The following CCDC187 variants were observed in gnomAD, a reference collection of about 807,000 sequenced individuals.
CCDC187 encodes the protein coiled-coil domain-containing protein 187.
Under a neutral mutation model 38.0 loss-of-function variants are expected in CCDC187, and 32 were observed. The ratio of observed to expected loss-of-function variants is 0.84; its 90% confidence interval spans 0.64 to 1.13. The LOEUF is 1.13. Ranked by LOEUF, CCDC187 falls within the 50% of genes most tolerant of loss-of-function variation. The pLI, the probability that CCDC187 is intolerant of heterozygous loss-of-function variation, is 0.00. For missense variants in CCDC187, 707 were observed against 786.8 expected (o/e 0.90, Z 1.21); for synonymous variants, 333 against 347.9 (o/e 0.96, Z 0.48).
intron 16 of CCDC187, chr9:136,267,009 G>A (rs1237021536): frequency 6.5e-6 from 1 of 152,674 alleles, no homozygotes; most frequent in African/African-American, 2.4e-5. Flanking sequence ...TTGAACCTGG[G>A]AGGCGGAGGT....
chr9:136,259,699 G>C (rs1554760759), intron 20 of CCDC187, among the ~76,000 whole-genome samples: 1 of 152,188 alleles, frequency 6.6e-6, no homozygotes, highest in African/African-American at 2.4e-5. Context: ...GCGCAGGGCA[G>C]GCCCTGCCCA....
Position 136,254,068 on chromosome 9 carries a change from C to G in CCDC187, c.5760G>C (p.Pro1920=). 1 of 984,894 alleles carries G rather than the reference C, an allele frequency of 1.0e-6. No individual in the cohort carries two copies. Among genetic ancestry groups the G allele is most frequent in the Non-Finnish European group, 1.2e-6 (1 of 829,672 alleles). 61.0% of individuals were successfully genotyped at this position (984,894 alleles called of 1,614,324 possible). The stretch of plus-strand genomic sequence containing the variant: ...GGAGTTTGCTCTTGGTGGATGGGCT[C>G]GGGTCAGCATCCCGGGTTCCCTCCT... ...GYQEGTRDAD[P]SPSTKSKLPY... The change falls in exon 26 of 26, where the codon CCG becomes CCC. Residue 1920 remains proline (P), a synonymous_variant. Coordinates refer to ENST00000638797, the MANE Select transcript of CCDC187 (RefSeq NM_001378188.1).
chr9:136,295,538 A>G (rs1831514157), intron 4 of CCDC187, among the ~76,000 whole-genome samples: 1 of 152,260 alleles, frequency 6.6e-6, no homozygotes, highest in Non-Finnish European at 1.5e-5. Context: ...ATTAAATATC[A>G]GGCTTCATTT....
At chr9:136,299,362 C>T (rs1181615892) in intron 3 of CCDC187, among the ~76,000 whole-genome samples, 1 of 152,176 alleles carries the variant, frequency 6.6e-6, no homozygotes, top group African/African-American at 2.4e-5. Flanking sequence ...CGACCTGGAC[C>T]CACCCGGCCG....
Position 136,285,092 on chromosome 9 carries a change from G to T in CCDC187, c.2927+421C>A, listed in dbSNP as rs1198177080. Among the ~76,000 whole-genome samples the T allele has an allele frequency of 5.9e-5, 9 of 152,246 alleles. No individual in the cohort carries two copies. In the East Asian group the frequency reaches 1.7e-3, roughly 30 times the overall value. On this transcript the variant is annotated intron_variant, in intron 9 of 25. Coordinates refer to ENST00000638797, the MANE Select transcript of CCDC187 (RefSeq NM_001378188.1). Reference sequence around the variant, plus strand: ...GGCCCCAGAGGAGGCTGCAGCCCGTGCTGGGGATGGGAGCCAGGTGTGTGA... The same window carrying T: ...GGCCCCAGAGGAGGCTGCAGCCCGTTCTGGGGATGGGAGCCAGGTGTGTGA...
intron 16 of CCDC187, 37 bp downstream of exon 16, chr9:136,267,347 C>CGGCGG: frequency 3.2e-6 from 3 of 951,794 alleles, no homozygotes; most frequent in Middle Eastern, 5.4e-4. Flanking sequence ...GGCGGGGCTA[C>CGGCGG]GGCGGGGCGG....
At chr9:136,292,459 G>A (rs995146084) in intron 4 of CCDC187, among the ~76,000 whole-genome samples, 164 bp from the exon 5 acceptor site, 4 of 152,290 alleles carry the variant, frequency 2.6e-5, no homozygotes, top group East Asian at 3.9e-4. Flanking sequence ...TGGGCAGAGC[G>A]GGACCCTCAG....
rs1212880149 is a variant in CCDC187 at position 136,257,478 on chromosome 9, C to T, written c.4367-637G>A. Among the ~76,000 whole-genome samples, 2 of 152,106 alleles carry T rather than the reference C, an allele frequency of 1.3e-5. No homozygotes were observed. The highest frequency in any genetic ancestry group is 2.9e-5 in the Non-Finnish European group (2 of 68,030). On this transcript the variant is annotated intron_variant, in intron 22 of 25. Coordinates refer to ENST00000638797, the MANE Select transcript of CCDC187 (RefSeq NM_001378188.1). This position sits in a 1 kb window ranked among gnomAD's most constrained non-coding sequence, Gnocchi z 4.5. ...CTTGTTCTTCCCCCTCGGTGCCGTC[C>T]GACAGACACTGGTGTGAGGCAGGGG...
rs1235128948 is a variant in CCDC187 at position 136,258,955 on chromosome 9, C to G, written c.4343G>C (p.Arg1448Pro). 4 of 985,622 alleles carry G rather than the reference C, an allele frequency of 4.1e-6. No individual in the cohort carries two copies. The highest frequency in any genetic ancestry group is 3.6e-6 in the Non-Finnish European group (3 of 830,120). 61.1% of individuals were successfully genotyped at this position (985,622 alleles called of 1,614,324 possible). The change falls in exon 22 of 26, where the codon CGG becomes CCG. Residue 1448 changes from arginine to proline, a missense_variant. Arg to Pro is a moderately radical substitution (Grantham distance 103, BLOSUM62 -2). Transcript: ENST00000638797. This position sits in a 1 kb window ranked among gnomAD's most constrained non-coding sequence, Gnocchi z 4.3. ...GRLPTAQCRS[R>P]EVKEPPPGDP... ...ACCTGGGGGTGGCTCCTTCACCTCC[C>G]GAGACCTGCACTGAGCTGTGGGGAG...
At chr9:136,285,770 A>G in intron 8 of CCDC187, 164 bp from the exon 9 acceptor site, 1 of 397,224 alleles carries the variant, frequency 2.5e-6, no homozygotes, top group Non-Finnish European at 4.4e-6. Flanking sequence ...AAGGGCAGGG[A>G]GGCAGCAGGG....
chr9:136,287,910 G>A (rs999554402), intron 7 of CCDC187, among the ~76,000 whole-genome samples: 12 of 152,238 alleles, frequency 7.9e-5, no homozygotes, highest in South Asian at 4.1e-4. Context: ...TGTCCAGGCC[G>A]GTCTCAAACT....
intron 16 of CCDC187, 167 bp from the exon 17 acceptor site, chr9:136,266,210 G>T: frequency 4.6e-6 from 1 of 217,010 alleles, no homozygotes; most frequent in Non-Finnish European, 7.9e-6. Flanking sequence ...TGGAAGCCTT[G>T]GGGTGGCCAG....
intron 3 of CCDC187, among the ~76,000 whole-genome samples, chr9:136,299,081 G>T (rs1831606695): frequency 6.6e-6 from 1 of 152,198 alleles, no homozygotes; most frequent in Non-Finnish European, 1.5e-5. Context: ...AGAGAAAGTG[G>T]TCACCAAGCT....
At chr9:136,306,331 A>G (rs1831803647), upstream of CCDC187, among the ~76,000 whole-genome samples, 2 of 151,906 alleles carry the variant, frequency 1.3e-5, no homozygotes. Context: ...CACTCCACCC[A>G]CCATGCTCCA....
intron 25 of CCDC187, among the ~76,000 whole-genome samples, 153 bp downstream of exon 25, chr9:136,255,504 G>A (rs1554760158): frequency 6.6e-6 from 1 of 152,224 alleles, no homozygotes; most frequent in East Asian, 1.9e-4. Flanking sequence ...ACCCTGTGAT[G>A]GGGAGGTGCG....
Position 136,281,093 on chromosome 9 carries a change from T to C in CCDC187, c.3040+458A>G, listed in dbSNP as rs1041266989. ...CCAAGCCCCCCAGCCAGGAGGGTCC[T>C]ACAGCGCAGCCCACGCCAGCACGAG... On this transcript the variant is annotated intron_variant, in intron 10 of 25. Coordinates refer to ENST00000638797, the MANE Select transcript of CCDC187 (RefSeq NM_001378188.1). The C allele has an allele frequency of 1.8e-4, 46 of 258,712 alleles. No individual in the cohort carries two copies. In the East Asian group the frequency reaches 3.1e-3, roughly 17 times the overall value. 16.0% of individuals were successfully genotyped at this position (258,712 alleles called of 1,614,324 possible). A position where few individuals can be genotyped will look rare whatever the true frequency, so the allele number is the denominator to read the frequency against.
Position 136,281,581 on chromosome 9 carries a change from A to G in CCDC187, c.3010T>C (p.Ser1004Pro). Reference protein sequence around the residue: ...EETPSVGGADSVAPCTPRSCG... With the variant: ...EETPSVGGADPVAPCTPRSCG... The stretch of plus-strand genomic sequence containing the variant: ...CTCCGGGGGGTGCAGGGCGCCACAG[A>G]ATCTGCCCCTCCGACCGACGGCGTC... Residue 1004 changes from serine to proline, a missense_variant, in exon 10 of 26, where the codon TCT (serine) becomes CCT (proline). Coordinates refer to ENST00000638797, the MANE Select transcript of CCDC187 (RefSeq NM_001378188.1). 1 of 398,478 alleles carries G rather than the reference A, an allele frequency of 2.5e-6. No homozygotes were observed. Among genetic ancestry groups the G allele is most frequent in the Non-Finnish European group, 4.4e-6 (1 of 225,998 alleles). 24.7% of individuals were successfully genotyped at this position (398,478 alleles called of 1,614,324 possible). A position where few individuals can be genotyped will look rare whatever the true frequency, so the allele number is the denominator to read the frequency against.
chr9:136,306,483 T>TG (rs1321357837), upstream of CCDC187, among the ~76,000 whole-genome samples: 1 of 152,194 alleles, frequency 6.6e-6, no homozygotes, highest in Non-Finnish European at 1.5e-5. Flanking sequence ...TGCTTATCGC[T>TG]GGAAGAGCGT....
chr9:136,291,294 C>A lies in CCDC187; in HGVS notation c.1319G>T (p.Arg440Met). 2.5e-6 allele frequency: 1 copy of A among 398,740 alleles called. No homozygotes were observed. Among genetic ancestry groups the A allele is most frequent in the Non-Finnish European group, 4.4e-6 (1 of 226,126 alleles). The allele number at this position is 398,740 out of a possible 1,614,324, so 24.7% of individuals were successfully genotyped here. The change falls in exon 6 of 26, where the codon AGG becomes ATG. Residue 440 changes from arginine to methionine, a missense_variant. Transcript: ENST00000638797. ...CTCCCAGGTGTGGACACTCCTAGCCCTCTCTAAAGAGGAATGCTTCCTCTC... is the reference window on the plus strand; with the variant it reads ...CTCCCAGGTGTGGACACTCCTAGCCATCTCTAAAGAGGAATGCTTCCTCTC... ...MTERKHSSLE[R>M]ARSVHTWEPW... is the part of the protein sequence containing the mutation.
Sources: allele counts gnomAD v4.1 joint callset (sites outside exome capture counted in the v4.1 genomes callset), GRCh38; gene constraint gnomAD v4.1.1; non-coding constraint Gnocchi (gnomAD v3.1); transcripts MANE v1.5; gene names NCBI Gene and HGNC (gene_info 2026-07-23, HGNC 2026-07-21).